LRRC37A2: variants seen among roughly 807,000 people sequenced by gnomAD.
LRRC37A2 encodes leucine-rich repeat-containing protein 37A2.
A neutral mutation model predicts 68.8 loss-of-function variants in LRRC37A2; 9 were observed. The ratio of observed to expected loss-of-function variants is 0.13; its 90% confidence interval spans 0.08 to 0.23. The LOEUF (loss-of-function observed/expected upper bound fraction) is 0.23, where lower values mean the gene tolerates loss of function less well. Among genes scored for constraint, LRRC37A2 ranks in the 10% least tolerant of loss-of-function variants. The pLI, the probability that LRRC37A2 is intolerant of heterozygous loss-of-function variation, is 1.00. For synonymous variants in LRRC37A2, 63 were observed against 367.6 expected, an observed-to-expected ratio of 0.17 and a Z score of 9.48; for missense variants, 168 against 950.4, an observed-to-expected ratio of 0.18 and a Z score of 10.82.
the LRRC37A2 span, among the ~76,000 whole-genome samples, chr17:46,766,333 AG>A: frequency 1.3e-5 from 2 of 151,784 alleles, no homozygotes; most frequent in Non-Finnish European, 2.9e-5. Context: ...GCTTGAACCC[AG>A]GTGGCGGAGG....
At chr17:46,609,923 T>C in the LRRC37A2 span, among the ~76,000 whole-genome samples, 2 of 143,120 alleles carry the variant, frequency 1.4e-5, no homozygotes, top group Non-Finnish European at 3.1e-5. Flanking sequence ...CCTCCTGGGC[T>C]CAAACCTCTC....
the LRRC37A2 span, among the ~76,000 whole-genome samples, chr17:46,934,113 C>T: frequency 6.6e-6 from 1 of 152,228 alleles, no homozygotes; most frequent in Non-Finnish European, 1.5e-5. Context: ...TTTCCCTCTA[C>T]AGTGTGGGTA....
At chr17:46,910,679 G>C in the LRRC37A2 span, among the ~76,000 whole-genome samples, 1 of 152,226 alleles carries the variant, frequency 6.6e-6, no homozygotes, top group Non-Finnish European at 1.5e-5. Context: ...GAGTGGAAAG[G>C]CTGCCACAGG....
At chr17:46,883,175 G>A in the LRRC37A2 span, among the ~76,000 whole-genome samples, 1 of 151,890 alleles carries the variant, frequency 6.6e-6, no homozygotes, top group African/African-American at 2.4e-5. Context: ...GTAGAGACGG[G>A]GTTTCACCAC....
chr17:46,605,681 T>TA, the LRRC37A2 span, among the ~76,000 whole-genome samples: 3 of 62,034 alleles, frequency 4.8e-5, no homozygotes, highest in African/African-American at 7.6e-5. Context: ...AAACCTTCCC[T>TA]ACTAGTGGAA....
chr17:46,810,553 C>T, the LRRC37A2 span, among the ~76,000 whole-genome samples: 11 of 152,124 alleles, frequency 7.2e-5, no homozygotes, highest in Non-Finnish European at 4.4e-5. Flanking sequence ...GGCAGGTGGT[C>T]GTGTTATTAT....
At chr17:46,722,194 G>A in the LRRC37A2 span, 27 of 1,594,094 alleles carry the variant, frequency 1.7e-5, no homozygotes, top group Non-Finnish European at 2.3e-5. Context: ...AACTTGCAGC[G>A]CCTGCTTAGG....
chr17:46,778,454 G>A, the LRRC37A2 span, among the ~76,000 whole-genome samples: 2 of 152,150 alleles, frequency 1.3e-5, no homozygotes, highest in African/African-American at 2.4e-5. Flanking sequence ...GGCCAGTGTC[G>A]GAGACTAAAG....
At chr17:46,691,399 A>G in the LRRC37A2 span, among the ~76,000 whole-genome samples, 11 of 110,768 alleles carry the variant, frequency 9.9e-5, no homozygotes, top group Non-Finnish European at 1.8e-4. Flanking sequence ...GTTCGAGACC[A>G]GCCTGGCAAA....
chr17:46,723,129 C>G, the LRRC37A2 span, among the ~76,000 whole-genome samples: 1 of 152,116 alleles, frequency 6.6e-6, no homozygotes, highest in Admixed American at 6.6e-5. Flanking sequence ...TAGTTTAGAC[C>G]TAAGCAATGT....
the LRRC37A2 span, among the ~76,000 whole-genome samples, chr17:46,834,239 C>T: frequency 6.6e-6 from 1 of 152,142 alleles, no homozygotes; most frequent in African/African-American, 2.4e-5. Context: ...GGGGCTGAAT[C>T]TCCATGAGGT....
the LRRC37A2 span, among the ~76,000 whole-genome samples, chr17:46,748,820 G>A: frequency 6.6e-6 from 1 of 152,144 alleles, no homozygotes; most frequent in Admixed American, 6.5e-5. Flanking sequence ...ACTAAGCAAA[G>A]GGGAAAAAGG....
the LRRC37A2 span, among the ~76,000 whole-genome samples, chr17:46,970,573 G>A: frequency 4.7e-5 from 7 of 147,426 alleles, no homozygotes; most frequent in Non-Finnish European, 1.0e-4. Context: ...CAAGACAGCA[G>A]AGGAGAGACG....
the LRRC37A2 span, among the ~76,000 whole-genome samples, chr17:47,000,127 A>AAAATAATAAAATAAAATAAAAAAAT: frequency 1.5e-5 from 2 of 131,100 alleles, no homozygotes; most frequent in African/African-American, 5.2e-5. Context: ...AAAATAAAAT[A>AAAATAATAAAATAAAATAAAAAAAT]AAATAAAATA....
the LRRC37A2 span, among the ~76,000 whole-genome samples, chr17:46,689,805 TA>T: frequency 6.7e-6 from 1 of 149,906 alleles, no homozygotes; most frequent in East Asian, 2.0e-4. Flanking sequence ...CCTTTTAACC[TA>T]ACAATTTGCC....
chr17:46,986,918 A>AT, the LRRC37A2 span, among the ~76,000 whole-genome samples: 1 of 152,292 alleles, frequency 6.6e-6, no homozygotes, highest in South Asian at 2.1e-4. Context: ...GAGGAATAGC[A>AT]TGTGCAGTGG....
At chr17:46,949,021 C>T in the LRRC37A2 span, 1 of 152,222 alleles carries the variant, frequency 6.6e-6, no homozygotes, top group Non-Finnish European at 1.5e-5. Flanking sequence ...GCATTGTGAT[C>T]CACTGCTGTG....
chr17:46,789,748 C>G, the LRRC37A2 span, among the ~76,000 whole-genome samples: 16 of 152,334 alleles, frequency 1.1e-4, no homozygotes, highest in Admixed American at 3.9e-4. Flanking sequence ...GGACACTGCC[C>G]AGGGCTCCAG....
At chr17:46,793,557 G>T in the LRRC37A2 span, among the ~76,000 whole-genome samples, 20 of 152,316 alleles carry the variant, frequency 1.3e-4, no homozygotes, top group South Asian at 2.1e-3. Context: ...ATTGCAGGAG[G>T]AGAGGAGACC....
Sources: gnomAD v4.1 joint callset for allele counts (sites outside exome capture counted in the v4.1 genomes callset) on GRCh38, gnomAD v4.1.1 for gene constraint, MANE v1.5 for transcripts, NCBI Gene and HGNC (gene_info 2026-07-23, HGNC 2026-07-21) for gene names.